OVCH1: variants seen among roughly 807,000 people sequenced by gnomAD.
The protein encoded by OVCH1 is ovochymase-1.
Under a neutral mutation model 138.4 loss-of-function variants are expected in OVCH1, and 139 were observed. The ratio of observed to expected loss-of-function variants is 1.00; its 90% confidence interval spans 0.87 to 1.16. OVCH1 has a LOEUF of 1.16. OVCH1 is among the 50% of genes most tolerant of loss of function. The pLI, the probability that OVCH1 is intolerant of heterozygous loss-of-function variation, is 0.00. For missense variants in OVCH1, 1,367 were observed against 1,357.9 expected, an observed-to-expected ratio of 1.01 and a Z score of -0.11; for synonymous variants, 453 against 467.8, an observed-to-expected ratio of 0.97 and a Z score of 0.41.
intron 26 of OVCH1, among the ~76,000 whole-genome samples, chr12:29,436,616 TAGAGTTTGTTCCTTCAGATGTGTCC>T (rs1941365283): frequency 6.6e-6 from 1 of 152,196 alleles, no homozygotes; most frequent in African/African-American, 2.4e-5. Context: ...ATGGCGTGTC[TAGAGTTTGTTCCTTCAGATGTGTCC>T]AGAGTTTCTT....
chr12:29,482,163 C>T (rs140690099), intron 8 of OVCH1, among the ~76,000 whole-genome samples: 3 of 152,128 alleles, frequency 2.0e-5, no homozygotes, highest in Admixed American at 6.5e-5. Context: ...TTTCATGCCC[C>T]GCAAGTCCTA....
intron 27 of OVCH1, chr12:29,430,996 AT>A: frequency 2.2e-6 from 1 of 456,960 alleles, no homozygotes; most frequent in Non-Finnish European, 4.4e-6. Flanking sequence ...ATTGTATTTA[AT>A]TTTTCCTCTC....
At chr12:29,411,481 G>A (rs1940955135), downstream of OVCH1, among the ~76,000 whole-genome samples, 1 of 151,872 alleles carries the variant, frequency 6.6e-6, no homozygotes. Context: ...ATGGGTTTTT[G>A]GTGTGGATGT....
chr12:29,440,559 T>A (rs758559162), intron 25 of OVCH1: 2 of 329,966 alleles, frequency 6.1e-6, no homozygotes, highest in Non-Finnish European at 1.2e-5. Context: ...TTAACATGCC[T>A]TCTCTTATTT....
Position 29,473,119 on chromosome 12 carries a change from A to T in OVCH1, c.1601-16T>A. ...TTTAAAGACTCTGTAGAAGAAAAAAAAATTAATTGAAAGTAATTAGAGAAG... is the reference window on the plus strand; with the variant it reads ...TTTAAAGACTCTGTAGAAGAAAAAATAATTAATTGAAAGTAATTAGAGAAG... On this transcript the variant is annotated splice_polypyrimidine_tract_variant and intron_variant, in intron 14 of 27. Transcript: ENST00000318184. 1.3e-6 allele frequency: 2 copies of T among 1,548,192 alleles called. 1 individual carries two copies. Among genetic ancestry groups the T allele is most frequent in the South Asian group, 2.3e-5 (2 of 86,068 alleles).
chr12:29,496,363 T>C, intron 2 of OVCH1, 85 bp from the exon 3 acceptor site: 1 of 1,230,408 alleles, frequency 8.1e-7, no homozygotes, highest in South Asian at 1.4e-5. Context: ...TCAACTTTTC[T>C]AATCTGACAT....
At chr12:29,484,646 G>A (rs1943036852) in intron 8 of OVCH1, among the ~76,000 whole-genome samples, 67 bp downstream of exon 9, 1 of 152,086 alleles carries the variant, frequency 6.6e-6, no homozygotes, top group Admixed American at 6.6e-5. Context: ...CTGAAGTAGA[G>A]TGTTTTAAAC....
chr12:29,455,414 C>T lies in OVCH1; in HGVS notation c.2281-9G>A, dbSNP rs375609296. The stretch of plus-strand genomic sequence containing the variant: ...GGCCCACCAGAGTCTCCCTGAAACA[C>T]CAAGAAAACATGTTTTAGAAAACTG... On this transcript the variant is annotated splice_polypyrimidine_tract_variant and intron_variant, in intron 19 of 27. Transcript: ENST00000318184. 3.8e-6 allele frequency: 6 copies of T among 1,585,960 alleles called. No homozygotes were observed. In the South Asian group the frequency reaches 5.8e-5, roughly 15 times the overall value.
At chr12:29,473,395 C>T (rs1942584115) in intron 14 of OVCH1, among the ~76,000 whole-genome samples, 1 of 151,974 alleles carries the variant, frequency 6.6e-6, no homozygotes, top group African/African-American at 2.4e-5. Flanking sequence ...TTCAGGATCT[C>T]ATTGTTTAGC....
At chr12:29,449,744 C>T (rs954881055) in intron 22 of OVCH1, among the ~76,000 whole-genome samples, 3 of 152,130 alleles carry the variant, frequency 2.0e-5, no homozygotes, top group African/African-American at 7.2e-5. Context: ...GGAGGCATCA[C>T]ACTACCTGAT....
intron 25 of OVCH1, chr12:29,440,643 A>C: frequency 2.2e-6 from 1 of 447,792 alleles, no homozygotes; most frequent in Non-Finnish European, 4.5e-6. Flanking sequence ...AGAAGTATAC[A>C]TCATTTTCAT....
Position 29,443,437 on chromosome 12 carries a change from CG to C in OVCH1, c.3080del (p.Pro1027ArgfsTer2). 1 of 1,610,956 alleles carries C rather than the reference CG, an allele frequency of 6.2e-7. No homozygotes were observed. Among genetic ancestry groups the C allele is most frequent in the Non-Finnish European group, 8.5e-7 (1 of 1,178,092 alleles). ...GACAGACAAAAGTTGTTGGCTTCAT[CG>C]GGAAGTTAATAATATTAAGCTGAAT... On this transcript the variant is annotated frameshift_variant, in exon 25 of 28. Transcript: ENST00000318184. LOFTEE classifies it high-confidence loss of function.
At chr12:29,477,304 G>A (rs767970251) in intron 11 of OVCH1, 37 bp downstream of exon 11, 1 of 1,613,520 alleles carries the variant, frequency 6.2e-7, no homozygotes, top group Non-Finnish European at 8.5e-7. Flanking sequence ...CCACATCAAG[G>A]GAAAATGGCA....
chr12:29,471,045 G>C (rs140018304), intron 16 of OVCH1, among the ~76,000 whole-genome samples: 3,667 of 151,954 alleles, frequency 0.024, 116 homozygotes, highest in African/African-American at 0.08. Context: ...CATATCCTTT[G>C]CCCACTTTTT....
At chr12:29,416,159 A>G (rs1941028912) in intron 3 of OVCH1, among the ~76,000 whole-genome samples, 1 of 152,170 alleles carries the variant, frequency 6.6e-6, no homozygotes, top group Admixed American at 6.5e-5. Flanking sequence ...TTATACAAAA[A>G]TTAACTGGAA....
At chr12:29,473,697 T>G (rs908333106) in intron 14 of OVCH1, among the ~76,000 whole-genome samples, 3 of 152,296 alleles carry the variant, frequency 2.0e-5, no homozygotes, top group Admixed American at 6.5e-5. Flanking sequence ...TTGTGATGGT[T>G]AATACTGAGT....
chr12:29,471,897 TGGC>T lies in OVCH1; in HGVS notation c.1758_1760del (p.Trp586_Pro587delinsTer). Reference sequence around the variant, plus strand: ...CTAGAAACCTCAGACCCACCTGCCATGGCCAACAGTGGGGGCAGGCTTCTTCCC... The same window carrying T: ...CTAGAAACCTCAGACCCACCTGCCATCAACAGTGGGGGCAGGCTTCTTCCC... On this transcript the variant is annotated stop_gained and inframe_deletion, in exon 16 of 28. Transcript: ENST00000318184. LOFTEE classifies it high-confidence loss of function. The T allele has an allele frequency of 1.9e-6, 3 of 1,613,542 alleles. No individual in the cohort carries two copies. The highest frequency in any genetic ancestry group is 2.5e-6 in the Non-Finnish European group (3 of 1,179,698).
the OVCH1 span, among the ~76,000 whole-genome samples, chr12:29,406,701 A>G: frequency 6.8e-6 from 1 of 146,278 alleles, no homozygotes; most frequent in Non-Finnish European, 1.5e-5. Context: ...AATCCAGTCT[A>G]TCATTGTTGG....
chr12:29,427,458 G>C, downstream of OVCH1: 1 of 1,416,894 alleles, frequency 7.1e-7, no homozygotes, highest in South Asian at 1.4e-5. Context: ...TATGATAGAG[G>C]AGGTCTCAGG....
Sources: gnomAD v4.1 joint callset for allele counts (sites outside exome capture counted in the v4.1 genomes callset) on GRCh38, gnomAD v4.1.1 for gene constraint, MANE v1.5 for transcripts, NCBI Gene and HGNC (gene_info 2026-07-23, HGNC 2026-07-21) for gene names.